CNTNAP3B: variants seen among roughly 807,000 people sequenced by gnomAD.
The protein encoded by CNTNAP3B is contactin-associated protein-like 3B.
In CNTNAP3B, 25 loss-of-function variants were observed where a neutral mutation model predicts 108.9. That is an observed-to-expected ratio of 0.23 (90% CI 0.17 to 0.32). CNTNAP3B has a LOEUF of 0.32. Among genes scored for constraint, CNTNAP3B ranks in the 10% least tolerant of loss-of-function variants. The pLI is 1.00. For synonymous variants in CNTNAP3B, 103 were observed against 473.4 expected (o/e 0.22, Z 10.16); for missense variants, 252 against 1,210.4 (o/e 0.21, Z 11.75).
chr9:42,062,728 C>T lies in CNTNAP3B; in HGVS notation c.390+14141G>A, dbSNP rs1236685385. 3.1e-5 allele frequency among the ~76,000 whole-genome samples: 3 copies of T among 96,700 alleles called. 1 individual carries two copies. Among genetic ancestry groups the T allele is most frequent in the Non-Finnish European group, 6.6e-5 (3 of 45,534 alleles). The allele number at this position is 96,700 out of a possible 152,430, so 63.4% of individuals were successfully genotyped here. The stretch of plus-strand genomic sequence containing the variant: ...TAGCTTTGTTTTCCTTTGTTCCTTC[C>T]TTCTCTTTCCATCTTCCTTTGTGAT... On this transcript the variant is annotated intron_variant, in intron 3 of 23. Coordinates refer to ENST00000377561, the MANE Select transcript of CNTNAP3B (RefSeq NM_001201380.3).
At chr9:42,079,896 T>G (rs1006395386) in intron 2 of CNTNAP3B, among the ~76,000 whole-genome samples, 1 of 132,846 alleles carries the variant, frequency 7.5e-6, no homozygotes, top group Non-Finnish European at 1.6e-5. Flanking sequence ...TTAGGCTGGA[T>G]GTTGTACATT....
intron 13 of CNTNAP3B, among the ~76,000 whole-genome samples, chr9:41,938,648 T>C (rs1824233550): frequency 6.6e-6 from 1 of 152,276 alleles, no homozygotes; most frequent in African/African-American, 2.4e-5. Context: ...TAGAAATCAG[T>C]CAGTTGCACG....
At chr9:41,952,759 T>A in intron 13 of CNTNAP3B, among the ~76,000 whole-genome samples, 1 of 150,686 alleles carries the variant, frequency 6.6e-6, no homozygotes, top group Middle Eastern at 3.4e-3. Context: ...ATTCAGTTAA[T>A]CTAAAGGGAG....
chr9:42,107,749 G>T (rs551687567), intron 1 of CNTNAP3B, among the ~76,000 whole-genome samples: 1 of 137,996 alleles, frequency 7.2e-6, no homozygotes, highest in Non-Finnish European at 1.5e-5. Context: ...ACCAAGGCGG[G>T]TGGATCACAA....
At chr9:41,959,994 T>A (rs1382169250) in intron 12 of CNTNAP3B, 5 of 150,616 alleles carry the variant, frequency 3.3e-5, no homozygotes, top group Non-Finnish European at 7.3e-5. Context: ...TTTCTTTTTT[T>A]CCTTTTTTTT....
intron 14 of CNTNAP3B, among the ~76,000 whole-genome samples, chr9:41,935,000 T>A (rs1824112414): frequency 6.6e-6 from 1 of 152,190 alleles, no homozygotes; most frequent in Non-Finnish European, 1.5e-5. Flanking sequence ...CAAAACAACT[T>A]GTGGATTTTT....
chr9:41,957,739 G>A lies in CNTNAP3B; in HGVS notation c.1876+3034C>T, dbSNP rs1824906281. Among the ~76,000 whole-genome samples, 9 of 152,348 alleles carry A rather than the reference G, an allele frequency of 5.9e-5. No individual in the cohort carries two copies. In the South Asian group the frequency reaches 1.9e-3, roughly 32 times the overall value. On this transcript the variant is annotated intron_variant, in intron 12 of 23. Coordinates refer to ENST00000377561, the MANE Select transcript of CNTNAP3B (RefSeq NM_001201380.3). Reference sequence around the variant, plus strand: ...CAATGTCCCTGCCATATCTGACTCTGGTTTTTGTTTGTTTGTTTTGTTTGT... The same window carrying A: ...CAATGTCCCTGCCATATCTGACTCTAGTTTTTGTTTGTTTGTTTTGTTTGT...
At chr9:42,030,815 A>T (rs1487354441) in intron 3 of CNTNAP3B, among the ~76,000 whole-genome samples, 20 of 86,940 alleles carry the variant, frequency 2.3e-4, no homozygotes, top group East Asian at 7.9e-4. Flanking sequence ...GAGAGAGAGG[A>T]GAGAGAGAGA....
chr9:42,067,124 T>C (rs1827284299), intron 3 of CNTNAP3B, among the ~76,000 whole-genome samples: 1 of 149,858 alleles, frequency 6.7e-6, no homozygotes, highest in African/African-American at 2.4e-5. Flanking sequence ...CAGGCCTCTC[T>C]CCTTGAACTC....
At chr9:41,932,139 T>A (rs1388660849) in intron 14 of CNTNAP3B, among the ~76,000 whole-genome samples, 3 of 150,618 alleles carry the variant, frequency 2.0e-5, no homozygotes, top group Non-Finnish European at 3.0e-5. Flanking sequence ...GTTATCAGAC[T>A]TCCTCAAAAC....
chr9:41,986,529 A>G (rs992638840), intron 8 of CNTNAP3B, among the ~76,000 whole-genome samples: 92 of 146,560 alleles, frequency 6.3e-4, no homozygotes, highest in African/African-American at 2.3e-3. Context: ...CTGAAGAATC[A>G]CTGTAACAAA....
intron 1 of CNTNAP3B, among the ~76,000 whole-genome samples, chr9:42,124,323 G>A (rs1233315347): frequency 7.5e-6 from 1 of 133,234 alleles, no homozygotes; most frequent in Non-Finnish European, 1.6e-5. Context: ...ACCAAGCTAA[G>A]CATATACTCC....
chr9:41,997,788 C>G (rs1825932084), intron 5 of CNTNAP3B, 36 bp from the exon 6 acceptor site: 1 of 1,420,386 alleles, frequency 7.0e-7, no homozygotes, highest in Non-Finnish European at 9.5e-7. Context: ...TATTTCTGTT[C>G]AAAATCACGG....
chr9:42,018,419 G>T lies in CNTNAP3B; in HGVS notation c.391-4894C>A, dbSNP rs1269603533. Among the ~76,000 whole-genome samples, 8 of 139,278 alleles carry T rather than the reference G, an allele frequency of 5.7e-5. 2 individuals are homozygous for T. Among genetic ancestry groups the T allele is most frequent in the Non-Finnish European group, 1.1e-4 (7 of 64,916 alleles). The allele number at this position is 139,278 out of a possible 152,430, so 91.4% of individuals were successfully genotyped here. A position where few individuals can be genotyped will look rare whatever the true frequency, so the allele number is the denominator to read the frequency against. On this transcript the variant is annotated intron_variant, in intron 3 of 23. Transcript: ENST00000377561. The stretch of plus-strand genomic sequence containing the variant: ...CCTTCATGATTCCTCACTGAGGAAG[G>T]TGACTCATGGAAACCTTCACATCTG...
rs1435666930 is a variant in CNTNAP3B at position 41,953,369 on chromosome 9, C to G, written c.1894G>C (p.Val632Leu). 1 of 1,550,474 alleles carries G rather than the reference C, an allele frequency of 6.4e-7. No homozygotes were observed. Among genetic ancestry groups the G allele is most frequent in the Non-Finnish European group, 8.7e-7 (1 of 1,153,738 alleles). ...CNMTADSAWT[V>L]VRHGGPDAVT... is the part of the protein sequence containing the mutation. ...GCGTCGGGGCCACCGTGCCGCACCA[C>G]CGTCCACGCGGAGTCTGCTGAGCAG... Residue 632 changes from valine (V) to leucine (L), a missense_variant, in exon 13 of 24, where the codon GTG (valine) becomes CTG (leucine). Transcript: ENST00000377561.
At chr9:41,942,010 A>G (rs1824362218) in intron 13 of CNTNAP3B, among the ~76,000 whole-genome samples, 1 of 152,306 alleles carries the variant, frequency 6.6e-6, no homozygotes, top group East Asian at 1.9e-4. Context: ...TAATCCCCCA[A>G]AAAGCTAGTT....
chr9:42,029,738 C>T, intron 3 of CNTNAP3B, among the ~76,000 whole-genome samples: 1 of 115,792 alleles, frequency 8.6e-6, no homozygotes, highest in Admixed American at 8.7e-5. Context: ...ACCATGTTGG[C>T]CAGGCTGGTC....
rs1158131786 is a variant in CNTNAP3B at position 42,127,772 on chromosome 9, C to T, written c.85+1238G>A. ...ACCAAGTGTAGGATTAACTGAGGCA[C>T]AACTGAATCATGATGCACAGTGAGT... On this transcript the variant is annotated intron_variant, in intron 1 of 23. Transcript: ENST00000377561. Among the ~76,000 whole-genome samples, 8 of 139,470 alleles carry T rather than the reference C, an allele frequency of 5.7e-5. 3 individuals are homozygous for T. Among genetic ancestry groups the T allele is most frequent in the African/African-American group, 2.0e-4 (7 of 35,038 alleles). The allele number at this position is 139,470 out of a possible 152,430, so 91.5% of individuals were successfully genotyped here.
chr9:42,120,702 C>G (rs1213250213), intron 1 of CNTNAP3B, among the ~76,000 whole-genome samples: 1 of 134,978 alleles, frequency 7.4e-6, no homozygotes, highest in African/African-American at 3.0e-5. Flanking sequence ...AACCATCATT[C>G]TCAGCAAACT....
Sources: gnomAD v4.1 joint callset for allele counts (sites outside exome capture counted in the v4.1 genomes callset) on GRCh38, gnomAD v4.1.1 for gene constraint, MANE v1.5 for transcripts, NCBI Gene and HGNC (gene_info 2026-07-23, HGNC 2026-07-21) for gene names.